The following SH3GL2 variants were observed in gnomAD, a reference collection of about 807,000 sequenced individuals.
SH3GL2 encodes SH3 domain containing GRB2 like 2, endophilin A1.
Under a neutral mutation model 46.0 loss-of-function variants are expected in SH3GL2, and 24 were observed. The ratio of observed to expected loss-of-function variants is 0.52; its 90% CI spans 0.38 to 0.73. SH3GL2 has a LOEUF of 0.73. Among genes scored for constraint, SH3GL2 ranks in the 30% least tolerant of loss-of-function variants. The pLI is 0.00. For missense variants in SH3GL2, 413 were observed against 424.2 expected (o/e 0.97, Z 0.23); for synonymous variants, 196 against 147.1 (o/e 1.33, Z -2.40).
chr9:17,682,156 T>G (rs1353428634), intron 1 of SH3GL2, among the ~76,000 whole-genome samples: 1 of 152,148 alleles, frequency 6.6e-6, no homozygotes, highest in Non-Finnish European at 1.5e-5. Flanking sequence ...GTGTGGCGAT[T>G]CCTCAAGGAT....
intron 1 of SH3GL2, among the ~76,000 whole-genome samples, chr9:17,638,476 G>A (rs117926071): frequency 0.013 from 2,043 of 152,282 alleles, 76 homozygotes; most frequent in Admixed American, 0.077. Context: ...TGTTGTGAAA[G>A]TATCATGAGG....
chr9:17,728,478 G>T (rs59901800), intron 1 of SH3GL2, among the ~76,000 whole-genome samples: 31,492 of 151,766 alleles, frequency 0.21, 3,864 homozygotes, highest in East Asian at 0.38. Flanking sequence ...ATGTATGTAT[G>T]TATTTATTTT....
rs763279623 is a variant in SH3GL2 at position 17,796,996 on chromosome 9, C to T, written c.*1253C>T. 1 of 152,610 alleles carries T rather than the reference C, an allele frequency of 6.6e-6. No homozygotes were observed. Among genetic ancestry groups the T allele is most frequent in the Non-Finnish European group, 1.5e-5 (1 of 68,040 alleles). 9.5% of individuals were successfully genotyped at this position (152,610 alleles called of 1,614,324 possible). A position where few individuals can be genotyped will look rare whatever the true frequency, so the allele number is the denominator to read the frequency against. On this transcript the variant is annotated 3_prime_UTR_variant, in exon 9 of 9. Transcript: ENST00000380607. Reference sequence around the variant, plus strand: ...TGTACAGACTCTTTCAGAGGTTTAACGTGCTGCTTCCGATGTGCCACCTGC... The same window carrying T: ...TGTACAGACTCTTTCAGAGGTTTAATGTGCTGCTTCCGATGTGCCACCTGC...
intron 1 of SH3GL2, among the ~76,000 whole-genome samples, chr9:17,740,878 C>G (rs1247918352): frequency 6.6e-6 from 1 of 152,056 alleles, no homozygotes; most frequent in Non-Finnish European, 1.5e-5. Context: ...TGTTGGTTTT[C>G]ATTCCTGAGG....
Position 17,796,127 on chromosome 9 carries a change from A to G in SH3GL2, c.*384A>G, listed in dbSNP as rs963409247. Reference sequence around the variant, plus strand: ...TCTGAAGGTCTCTTTGCATTTCTCCATGCAAAGAGGAGAAAGCTTTTGCTT... The same window carrying G: ...TCTGAAGGTCTCTTTGCATTTCTCCGTGCAAAGAGGAGAAAGCTTTTGCTT... On this transcript the variant is annotated 3_prime_UTR_variant, in exon 9 of 9. Coordinates refer to ENST00000380607, the MANE Select transcript of SH3GL2 (RefSeq NM_003026.5). 5.2e-5 allele frequency: 9 copies of G among 173,760 alleles called. No homozygotes were observed. In the South Asian group the frequency reaches 5.6e-4, roughly 11 times the overall value. The allele number at this position is 173,760 out of a possible 1,614,324, so 10.8% of individuals were successfully genotyped here. A position where few individuals can be genotyped will look rare whatever the true frequency, so the allele number is the denominator to read the frequency against.
intron 7 of SH3GL2, 126 bp from the exon 8 acceptor site, chr9:17,793,241 A>T: frequency 1.2e-6 from 1 of 837,626 alleles, no homozygotes; most frequent in Non-Finnish European, 1.8e-6. Flanking sequence ...TCCTTTTTTG[A>T]TTTCCCACAC....
At chr9:17,697,830 C>T (rs940148681) in intron 1 of SH3GL2, among the ~76,000 whole-genome samples, 5 of 152,160 alleles carry the variant, frequency 3.3e-5, no homozygotes, top group African/African-American at 1.2e-4. Context: ...GATGACTTGG[C>T]CTGTGTTGCG....
intron 1 of SH3GL2, chr9:17,591,218 T>G (rs1385471566): frequency 1.3e-5 from 2 of 152,190 alleles, no homozygotes; most frequent in African/African-American, 4.8e-5. Context: ...ATCAATTGTT[T>G]TCCTAAATTG....
chr9:17,739,188 A>G (rs1822450693), intron 1 of SH3GL2, among the ~76,000 whole-genome samples: 1 of 152,170 alleles, frequency 6.6e-6, no homozygotes, highest in South Asian at 2.1e-4. Context: ...TCTCTTAACA[A>G]ATGAGAAATC....
At chr9:17,765,752 T>C (rs1233635699) in intron 3 of SH3GL2, among the ~76,000 whole-genome samples, 1 of 152,158 alleles carries the variant, frequency 6.6e-6, no homozygotes, top group Non-Finnish European at 1.5e-5. Flanking sequence ...TAATCCCAGC[T>C]GCTTTTCAGT....
At chr9:17,767,289 C>G (rs1563845988) in intron 3 of SH3GL2, among the ~76,000 whole-genome samples, 1 of 152,138 alleles carries the variant, frequency 6.6e-6, no homozygotes, top group South Asian at 2.1e-4. Flanking sequence ...AATTTCAAAT[C>G]TCATTTGTGA....
At chr9:17,782,990 C>T (rs1823854856) in intron 3 of SH3GL2, among the ~76,000 whole-genome samples, 1 of 152,192 alleles carries the variant, frequency 6.6e-6, no homozygotes, top group East Asian at 1.9e-4. Flanking sequence ...GGACTCTGGG[C>T]AGTGCAGTTC....
intron 2 of SH3GL2, among the ~76,000 whole-genome samples, chr9:17,755,026 A>C (rs1469877225): frequency 6.6e-6 from 1 of 152,098 alleles, no homozygotes; most frequent in Non-Finnish European, 1.5e-5. Flanking sequence ...TACTATGTTA[A>C]ATAGGAGGGG....
chr9:17,582,469 C>A (rs954861481), intron 1 of SH3GL2, among the ~76,000 whole-genome samples: 3 of 152,076 alleles, frequency 2.0e-5, no homozygotes, highest in African/African-American at 7.2e-5. Flanking sequence ...TTTTTTTACA[C>A]TTGTTTTAAA....
At chr9:17,755,854 G>T (rs1392820590) in intron 2 of SH3GL2, 1 of 790,348 alleles carries the variant, frequency 1.3e-6, no homozygotes, top group Non-Finnish European at 1.5e-6. Context: ...CATGTCTCTG[G>T]AAGAGTAACC....
chr9:17,594,682 T>C (rs948232889), intron 1 of SH3GL2, among the ~76,000 whole-genome samples: 5 of 152,100 alleles, frequency 3.3e-5, no homozygotes, highest in African/African-American at 1.2e-4. Context: ...TGTACCTCTG[T>C]GAAGTGTAGT....
intron 1 of SH3GL2, among the ~76,000 whole-genome samples, chr9:17,631,403 C>T (rs1467300255): frequency 6.6e-6 from 1 of 152,160 alleles, no homozygotes; most frequent in Non-Finnish European, 1.5e-5. Context: ...TGAACCTTGG[C>T]CATTCTGACA....
intron 3 of SH3GL2, among the ~76,000 whole-genome samples, chr9:17,768,681 G>T (rs1343708203): frequency 1.3e-5 from 2 of 151,930 alleles, no homozygotes; most frequent in Non-Finnish European, 2.9e-5. Flanking sequence ...CCCTTCTCCT[G>T]GTAGAATATG....
intron 2 of SH3GL2, among the ~76,000 whole-genome samples, chr9:17,750,357 A>C (rs1822808446): frequency 6.6e-6 from 1 of 152,082 alleles, no homozygotes; most frequent in Admixed American, 6.5e-5. Flanking sequence ...GGTTTGCTTC[A>C]AGCAGCATTA....
Sources: gnomAD v4.1 joint callset for allele counts (sites outside exome capture counted in the v4.1 genomes callset) on GRCh38, gnomAD v4.1.1 for gene constraint, MANE v1.5 for transcripts, NCBI Gene and HGNC (gene_info 2026-07-23, HGNC 2026-07-21) for gene names.